Variants in DENND5A observed in about 807,000 individuals in gnomAD.
The protein encoded by DENND5A is DENN domain containing 5A.
A neutral mutation model predicts 140.3 loss-of-function variants in DENND5A; 64 were observed. That is an observed-to-expected ratio of 0.46 (90% CI 0.37 to 0.56). DENND5A has a LOEUF of 0.56. Among genes scored for constraint, DENND5A ranks in the 20% least tolerant of loss-of-function variants. DENND5A has a pLI of 0.00. For missense variants in DENND5A, 1,292 were observed against 1,593.8 expected, an observed-to-expected ratio of 0.81 and a Z score of 3.22; for synonymous variants, 605 against 607.7, an observed-to-expected ratio of 1.00 and a Z score of 0.07.
chr11:9,143,617 C>T (rs554628992), intron 19 of DENND5A, 132 bp from the exon 20 acceptor site: 2 of 722,480 alleles, frequency 2.8e-6, no homozygotes, highest in African/African-American at 1.8e-5. Flanking sequence ...GAAGCAGAGG[C>T]GCTTGCCCAC....
intron 17 of DENND5A, 92 bp downstream of exon 17, chr11:9,145,578 G>A (rs1252129746): frequency 1.5e-6 from 2 of 1,360,484 alleles, no homozygotes; most frequent in Non-Finnish European, 2.1e-6. Context: ...ACTGTACATA[G>A]CAAGCCCTCT....
At chr11:9,158,659 G>T (rs541073588) in intron 12 of DENND5A, among the ~76,000 whole-genome samples, 1 of 152,226 alleles carries the variant, frequency 6.6e-6, no homozygotes, top group East Asian at 1.9e-4. Context: ...AAGTTATTAA[G>T]TGGAAATCAT....
intron 1 of DENND5A, among the ~76,000 whole-genome samples, chr11:9,227,226 A>G (rs1240419253): frequency 6.6e-6 from 1 of 151,982 alleles, no homozygotes; most frequent in Non-Finnish European, 1.5e-5. Flanking sequence ...GCAAGCACAG[A>G]GTGATATTTT....
chr11:9,203,623 T>C lies in DENND5A; in HGVS notation c.949+37A>G, dbSNP rs778258896. On this transcript the variant is annotated intron_variant, in intron 4 of 22. Coordinates refer to ENST00000328194, the MANE Select transcript of DENND5A (RefSeq NM_015213.4). Reference sequence around the variant, plus strand: ...TCTGAACATGGAAAGCAAAGAAGCCTGAGGCAGGCAGAAGGCTCTAGTAAG... The same window carrying C: ...TCTGAACATGGAAAGCAAAGAAGCCCGAGGCAGGCAGAAGGCTCTAGTAAG... 4 of 1,572,880 alleles carry C rather than the reference T, an allele frequency of 2.5e-6. No individual in the cohort carries two copies. The Admixed American group carries it at 7.4e-5, about 29-fold the overall frequency.
chr11:9,203,937 C>T lies in DENND5A; in HGVS notation c.672G>A (p.Glu224=). ...SFMKACRSVL[E]QLHQAVTSPQ... ...GTGAAGTGACTGCCTGGTGGAGTTG[C>T]TCCAGCACGCTCCGACATGCCTTCA... The change falls in exon 4 of 23, where the codon GAG becomes GAA. Residue 224 remains glutamate, a synonymous_variant. Coordinates refer to ENST00000328194, the MANE Select transcript of DENND5A (RefSeq NM_015213.4). The T allele has an allele frequency of 6.2e-7, 1 of 1,614,068 alleles. No homozygotes were observed. The highest frequency in any genetic ancestry group is 8.5e-7 in the Non-Finnish European group (1 of 1,180,008).
chr11:9,244,335 G>A (rs1851372214), intron 1 of DENND5A, among the ~76,000 whole-genome samples: 1 of 152,056 alleles, frequency 6.6e-6, no homozygotes, highest in Non-Finnish European at 1.5e-5. Flanking sequence ...TTGTTAATGG[G>A]ATTAAGGCCT....
chr11:9,185,197 A>G (rs1590246278), intron 5 of DENND5A, among the ~76,000 whole-genome samples: 1 of 152,200 alleles, frequency 6.6e-6, no homozygotes, highest in South Asian at 2.1e-4. Context: ...GACCAATTAA[A>G]AAAAACCCCC....
At chr11:9,193,254 T>C (rs1849201592) in intron 5 of DENND5A, among the ~76,000 whole-genome samples, 1 of 152,008 alleles carries the variant, frequency 6.6e-6, no homozygotes, top group Non-Finnish European at 1.5e-5. Context: ...ACAAAAACAA[T>C]AGCATAAATA....
intron 12 of DENND5A, among the ~76,000 whole-genome samples, chr11:9,158,993 T>G (rs1266298013): frequency 6.6e-6 from 1 of 152,160 alleles, no homozygotes; most frequent in East Asian, 1.9e-4. Context: ...CCATATGCAT[T>G]AGTAGTCACT....
At chr11:9,147,223 G>C in intron 15 of DENND5A, 72 bp from the exon 16 acceptor site, 1 of 1,525,546 alleles carries the variant, frequency 6.6e-7, no homozygotes, top group Non-Finnish European at 9.0e-7. Context: ...TTCAGTTCTG[G>C]AAGGAGACAG....
Position 9,142,118 on chromosome 11 carries a change from G to A in DENND5A, c.3512-10C>T, listed in dbSNP as rs1460410782. ...TAGGTTTGTGCTTTTTCTGTGAAGA[G>A]TAGAAAAGCTTGCCAGTGAAAAGGC... On this transcript the variant is annotated splice_polypyrimidine_tract_variant and intron_variant, in intron 21 of 22. Coordinates refer to ENST00000328194, the MANE Select transcript of DENND5A (RefSeq NM_015213.4). The A allele has an allele frequency of 2.6e-6, 4 of 1,566,414 alleles. No individual in the cohort carries two copies. The highest frequency in any genetic ancestry group is 3.5e-6 in the Non-Finnish European group (4 of 1,152,384).
chr11:9,181,364 A>G (rs765717764), intron 5 of DENND5A, among the ~76,000 whole-genome samples: 5 of 152,198 alleles, frequency 3.3e-5, no homozygotes, highest in Admixed American at 6.5e-5. Flanking sequence ...TGTATGTTAG[A>G]GTGGTGAAGA....
At chr11:9,180,552 T>C (rs1848693321) in intron 6 of DENND5A, among the ~76,000 whole-genome samples, 1 of 152,208 alleles carries the variant, frequency 6.6e-6, no homozygotes, top group Non-Finnish European at 1.5e-5. Flanking sequence ...CTCCCTGATG[T>C]TCAAAGCGGA....
intron 20 of DENND5A, 183 bp downstream of exon 20, chr11:9,143,220 G>C (rs894246929): frequency 1.5e-6 from 1 of 669,620 alleles, no homozygotes; most frequent in South Asian, 1.8e-5. Flanking sequence ...AGGGTAACCT[G>C]AGGCAAAGGC....
intron 8 of DENND5A, chr11:9,175,126 T>C (rs1848505840): frequency 6.6e-6 from 1 of 152,178 alleles, no homozygotes; most frequent in African/African-American, 2.4e-5. Context: ...TTTAGTATGG[T>C]TGCAGGACAC....
At chr11:9,166,683 T>C (rs1160969997) in intron 10 of DENND5A, among the ~76,000 whole-genome samples, 1 of 151,736 alleles carries the variant, frequency 6.6e-6, no homozygotes, top group Non-Finnish European at 1.5e-5. Context: ...AATATAAAAA[T>C]TAGCCAAGTG....
At chr11:9,220,753 C>T (rs1199673548) in intron 1 of DENND5A, among the ~76,000 whole-genome samples, 1 of 151,860 alleles carries the variant, frequency 6.6e-6, no homozygotes, top group African/African-American at 2.4e-5. Context: ...ATTAGCCAGG[C>T]ATGGTGGTGG....
intron 1 of DENND5A, among the ~76,000 whole-genome samples, chr11:9,214,250 C>G (rs892460885): frequency 6.6e-6 from 1 of 152,222 alleles, no homozygotes; most frequent in Non-Finnish European, 1.5e-5. Flanking sequence ...CTTCAACTCT[C>G]TGGCTGCTCC....
intron 4 of DENND5A, among the ~76,000 whole-genome samples, chr11:9,194,755 T>C (rs1383964840): frequency 6.6e-6 from 1 of 151,802 alleles, no homozygotes; most frequent in Non-Finnish European, 1.5e-5. Context: ...GGTCTTGCTC[T>C]GTTGCCCAGG....
Sources: allele counts gnomAD v4.1 joint callset (sites outside exome capture counted in the v4.1 genomes callset), GRCh38; gene constraint gnomAD v4.1.1; transcripts MANE v1.5; gene names NCBI Gene and HGNC (gene_info 2026-07-23, HGNC 2026-07-21).